PI4KA: variants seen among roughly 807,000 people sequenced by gnomAD.
The protein encoded by PI4KA is PI4-kinase alpha.
In PI4KA, 122 loss-of-function variants were observed where a neutral mutation model predicts 271.4. That is an observed-to-expected ratio of 0.45 (90% CI 0.39 to 0.52). The LOEUF is 0.52. Among genes scored for constraint, PI4KA ranks in the 20% least tolerant of loss-of-function variants. The pLI is 0.00. For missense variants in PI4KA, 1,969 were observed against 2,769.1 expected (o/e 0.71, Z 6.48); for synonymous variants, 1,041 against 1,078.8 (o/e 0.96, Z 0.69).
intron 9 of PI4KA, among the ~76,000 whole-genome samples, chr22:20,809,282 A>G (rs1437447765): frequency 1.3e-5 from 2 of 152,086 alleles, no homozygotes; most frequent in African/African-American, 4.8e-5. Context: ...CAGTTTCCCC[A>G]TATGTAAACT....
At chr22:20,790,642 C>T (rs1934566590) in intron 19 of PI4KA, among the ~76,000 whole-genome samples, 1 of 150,636 alleles carries the variant, frequency 6.6e-6, no homozygotes, top group Non-Finnish European at 1.5e-5. Context: ...GTCTGGGTGA[C>T]AGAGTGAGAC....
chr22:20,727,304 A>G lies in PI4KA; in HGVS notation c.4867T>C (p.Tyr1623His). 6.2e-7 allele frequency: 1 copy of G among 1,613,242 alleles called. No homozygotes were observed. The highest frequency in any genetic ancestry group is 8.5e-7 in the Non-Finnish European group (1 of 1,179,940). ...TGCGGCGGGTACATGCTGGAGAAGT[A>G]GGAGAGGCCTGTGGGTGGGTCCGTG... ...APTDPPTGLS[Y>H]FSSMYPPHPL... is the part of the protein sequence containing the mutation. Residue 1623 changes from tyrosine (Y) to histidine (H), a missense_variant, in exon 41 of 55, where the codon TAC (tyrosine) becomes CAC (histidine). Physicochemically the swap from Tyr to His is moderately conservative, Grantham distance 83. This residue lies in a region of PI4KA where 388 missense variants were observed against 521.5 expected (regional missense o/e 0.74). Coordinates refer to ENST00000255882, the MANE Select transcript of PI4KA (RefSeq NM_058004.4).
intron 50 of PI4KA, among the ~76,000 whole-genome samples, chr22:20,712,065 T>G (rs1429950240): frequency 7.0e-6 from 1 of 141,958 alleles, no homozygotes; most frequent in Admixed American, 7.1e-5. Context: ...TTTTTGTGTT[T>G]TTTTTTTTTT....
intron 1 of PI4KA, among the ~76,000 whole-genome samples, chr22:20,852,878 T>C (rs1431390182): frequency 1.3e-5 from 2 of 152,190 alleles, no homozygotes; most frequent in East Asian, 3.9e-4. Context: ...AATTAACTCA[T>C]CTTATGGAGC....
At chr22:20,852,321 C>T (rs997178804) in intron 1 of PI4KA, among the ~76,000 whole-genome samples, 2 of 152,020 alleles carry the variant, frequency 1.3e-5, no homozygotes, top group Non-Finnish European at 2.9e-5. Flanking sequence ...ACATTTCTGC[C>T]CCCTGGGGAG....
rs777116364 is a variant in PI4KA at position 20,803,267 on chromosome 22, C to T, written c.1515G>A (p.Pro505=). Residue 505 remains proline, a synonymous_variant, in exon 13 of 55, where the codon CCG becomes CCA. Transcript: ENST00000255882. The part of the protein sequence containing the change: ...RFPVVVHSVT[P]SLRDFLVIPS... ...GGATGACCAGGAAGTCTCGCAAGGACGGTGTCACAGAGTGCACCACCACCG... is the reference window on the plus strand; with the variant it reads ...GGATGACCAGGAAGTCTCGCAAGGATGGTGTCACAGAGTGCACCACCACCG... 2.6e-5 allele frequency: 42 copies of T among 1,613,940 alleles called. No homozygotes were observed. The highest frequency in any genetic ancestry group is 3.2e-5 in the Non-Finnish European group (38 of 1,179,940).
intron 19 of PI4KA, among the ~76,000 whole-genome samples, chr22:20,783,389 G>C (rs1933946185): frequency 6.6e-6 from 1 of 150,716 alleles, no homozygotes; most frequent in African/African-American, 2.4e-5. Flanking sequence ...TTGAGGCCAA[G>C]GGTTTGAGAC....
At chr22:20,843,115 A>C (rs1358243030) in intron 1 of PI4KA, among the ~76,000 whole-genome samples, 1 of 151,664 alleles carries the variant, frequency 6.6e-6, no homozygotes, top group East Asian at 1.9e-4. Context: ...AAAAAAAAAA[A>C]TTACAGACAA....
chr22:20,837,947 C>G (rs887332119), intron 2 of PI4KA, among the ~76,000 whole-genome samples: 3 of 151,860 alleles, frequency 2.0e-5, no homozygotes, highest in Admixed American at 2.0e-4. Flanking sequence ...GGAGAAACCC[C>G]GTCTCTACTA....
rs993072029 is a variant in PI4KA at position 20,707,999 on chromosome 22, G to A, written c.*48C>T. 8.8e-6 allele frequency: 13 copies of A among 1,482,762 alleles called. No individual in the cohort carries two copies. The African/African-American group carries it at 1.7e-4, about 19-fold the overall frequency. The allele number at this position is 1,482,762 out of a possible 1,614,324, so 91.9% of individuals were successfully genotyped here. On this transcript the variant is annotated 3_prime_UTR_variant, in exon 55 of 55. Transcript: ENST00000255882. The stretch of plus-strand genomic sequence containing the variant: ...GAGGTCGCAGGGCTCCATGATTGTG[G>A]GACAGCTTTGAGGGCACATGGGGCA...
In PI4KA at chr22:20,838,709, C is replaced by T. The variant is rs1241680014; in HGVS notation, c.179G>A (p.Cys60Tyr). The T allele has an allele frequency of 6.2e-7, 1 of 1,611,754 alleles. No homozygotes were observed. Among genetic ancestry groups the T allele is most frequent in the Admixed American group, 1.7e-5 (1 of 59,982 alleles). Reference protein sequence around the residue: ...LEKVQKLLCMCPVDFHGIFQL... With the variant: ...LEKVQKLLCMYPVDFHGIFQL... The stretch of plus-strand genomic sequence containing the variant: ...GAAGATCCCATGGAAATCCACTGGA[C>T]ACATGCAAAGAAGCTTTTGGACCTA... The change falls in exon 2 of 55, where the codon TGT (cysteine) becomes TAT (tyrosine). Residue 60 changes from cysteine (C) to tyrosine (Y), a missense_variant. Coordinates refer to ENST00000255882, the MANE Select transcript of PI4KA (RefSeq NM_058004.4).
At chr22:20,762,352 G>GT (rs1310077898) in intron 22 of PI4KA, among the ~76,000 whole-genome samples, 2 of 152,200 alleles carry the variant, frequency 1.3e-5, no homozygotes, top group Non-Finnish European at 2.9e-5. Flanking sequence ...CCACTTTGTG[G>GT]TTTTAAAGCT....
intron 29 of PI4KA, 112 bp downstream of exon 29, chr22:20,747,471 C>T (rs1930240638): frequency 5.2e-6 from 6 of 1,146,858 alleles, no homozygotes; most frequent in Admixed American, 4.2e-5. Flanking sequence ...CCACAGCACC[C>T]TGCATGTACT....
chr22:20,721,352 T>A lies in PI4KA; in HGVS notation c.5062A>T (p.Ile1688Phe), dbSNP rs1181089297. Residue 1688 changes from isoleucine to phenylalanine, a missense_variant, in exon 43 of 55, where the codon ATC becomes TTC. Physicochemically the swap from Ile to Phe is conservative, Grantham distance 21. Coordinates refer to ENST00000255882, the MANE Select transcript of PI4KA (RefSeq NM_058004.4). ...SKSQLLAHQF[I>F]WNMKTNIYLD... ...TAAATGTTAGTCTTCATGTTCCAGA[T>A]GAACTGGTGTGCCAGAAGCTGGGAT... 1 of 1,613,894 alleles carries A rather than the reference T, an allele frequency of 6.2e-7. No homozygotes were observed. The highest frequency in any genetic ancestry group is 1.3e-5 in the African/African-American group (1 of 75,018).
In PI4KA at chr22:20,712,582, G is replaced by A. The variant is rs1361035760; in HGVS notation, c.5706C>T (p.Cys1902=). The A allele has an allele frequency of 1.3e-6, 2 of 1,588,152 alleles. No homozygotes were observed. Among genetic ancestry groups the A allele is most frequent in the East Asian group, 2.3e-5 (1 of 43,244 alleles). The change falls in exon 50 of 55, where the codon TGC becomes TGT. Residue 1902 remains cysteine (C), a synonymous_variant. Coordinates refer to ENST00000255882, the MANE Select transcript of PI4KA (RefSeq NM_058004.4). ...GCGVIECIPD[C]TSRDQLGRQT... ...GGCGGCCCAGCTGGTCCCGGGAGGT[G>A]CAGTCGGGGATGCACTCGATCACCC...
In PI4KA at chr22:20,836,257, T is replaced by C. The variant is rs370350811; in HGVS notation, c.274-1602A>G. On this transcript the variant is annotated intron_variant, in intron 2 of 54. Transcript: ENST00000255882. ...CCAACCGATGCTAAATGGAGTCAGT[T>C]GAGCCCTGTCTAAATTGCAGATTCA... Among the ~76,000 whole-genome samples, 18 of 152,288 alleles carry C rather than the reference T, an allele frequency of 1.2e-4. No homozygotes were observed. The East Asian group carries it at 1.9e-3, about 16-fold the overall frequency.
At position 20,761,393 on chromosome 22, in the gene PI4KA, A is replaced by G; in HGVS notation, c.2709-7T>C. On this transcript the variant is annotated splice_polypyrimidine_tract_variant and splice_region_variant and intron_variant, in intron 22 of 54. Transcript: ENST00000255882. ...ATCTGTTGAACGCAGTACCCTAAGA[A>G]GAAAACAGCTTTAAATAAATTTTGA... 1 of 1,593,328 alleles carries G rather than the reference A, an allele frequency of 6.3e-7. No homozygotes were observed. The highest frequency in any genetic ancestry group is 8.6e-7 in the Non-Finnish European group (1 of 1,161,158).
intron 1 of PI4KA, among the ~76,000 whole-genome samples, chr22:20,856,717 G>A (rs996273696): frequency 3.9e-5 from 6 of 152,206 alleles, no homozygotes; most frequent in African/African-American, 1.4e-4. Flanking sequence ...ACAGGCATGA[G>A]CCACCGTGCC....
Position 20,742,592 on chromosome 22 carries a change from T to C in PI4KA, c.3613+16A>G, listed in dbSNP as rs1929593929. 3 of 1,613,780 alleles carry C rather than the reference T, an allele frequency of 1.9e-6. No individual in the cohort carries two copies. In the South Asian group the frequency reaches 3.3e-5, roughly 18 times the overall value. On this transcript the variant is annotated intron_variant, in intron 31 of 54. Coordinates refer to ENST00000255882, the MANE Select transcript of PI4KA (RefSeq NM_058004.4). ...TAGAAACGAGCCCAGAATTCCACAG[T>C]GCTTCAGTGAGTTACCTTTACTGCT...
Sources: allele counts gnomAD v4.1 joint callset (sites outside exome capture counted in the v4.1 genomes callset), GRCh38; gene constraint gnomAD v4.1.1; regional missense constraint gnomAD v4.1.1; transcripts MANE v1.5; gene names NCBI Gene and HGNC (gene_info 2026-07-23, HGNC 2026-07-21).